Variants in SIGLEC1 observed in about 807,000 individuals in gnomAD.
SIGLEC1 encodes sialoadhesin.
SIGLEC1 carries 132 observed loss-of-function variants against 148.0 expected under a neutral mutation model. The ratio of observed to expected loss-of-function variants is 0.89; its 90% CI spans 0.77 to 1.03. The LOEUF (loss-of-function observed/expected upper bound fraction) is 1.03. SIGLEC1 is among the 50% of genes least tolerant of loss of function. The probability of loss-of-function intolerance (pLI) is 0.00; values close to 1 mark genes in which losing one functional copy is unlikely to be tolerated. For missense variants in SIGLEC1, 2,253 were observed against 2,271.4 expected (o/e 0.99, Z 0.16); for synonymous variants, 945 against 969.0 (o/e 0.98, Z 0.46).
rs749638277 is a variant in SIGLEC1 at position 3,705,696 on chromosome 20, G to C, written c.706+48C>G. 3 of 1,546,782 alleles carry C rather than the reference G, an allele frequency of 1.9e-6. No individual in the cohort carries two copies. In the Admixed American group the frequency reaches 5.3e-5, roughly 27 times the overall value. On this transcript the variant is annotated intron_variant, in intron 4 of 21. Transcript: ENST00000344754. ...CTGGAGAGGGGCTGGTTTCTGTCAG[G>C]AGCAACAGATGCGCTCAGCCACAAG... is the stretch of plus-strand genomic sequence containing the variant.
At position 3,692,157 on chromosome 20, in the gene SIGLEC1, G is replaced by A. The variant is rs1332201427; in HGVS notation, c.4076C>T (p.Ala1359Val). 6.3e-7 allele frequency: 1 copy of A among 1,583,788 alleles called. No homozygotes were observed. Among genetic ancestry groups the A allele is most frequent in the Non-Finnish European group, 8.6e-7 (1 of 1,163,870 alleles). Residue 1359 changes from alanine (A) to valine (V), a missense_variant, in exon 17 of 22, where the codon GCC becomes GTC. Transcript: ENST00000344754. ...AVLSSFRDSR[A>V]RSMAVIQCTV... ...GCACTGTATCACAGCCATGGATCTGGCCCTGGAGTCCCGGAAGGAGGACAG... is the reference window on the plus strand; with the variant it reads ...GCACTGTATCACAGCCATGGATCTGACCCTGGAGTCCCGGAAGGAGGACAG...
Position 3,701,470 on chromosome 20 carries a change from C to G in SIGLEC1, c.1400G>C (p.Gly467Ala). 4 of 1,614,104 alleles carry G rather than the reference C, an allele frequency of 2.5e-6. No homozygotes were observed. The highest frequency in any genetic ancestry group is 3.4e-6 in the Non-Finnish European group (4 of 1,180,036). The change falls in exon 7 of 22, where the codon GGT becomes GCT. Residue 467 changes from glycine to alanine, a missense_variant. Coordinates refer to ENST00000344754, the MANE Select transcript of SIGLEC1 (RefSeq NM_023068.4). ...GDSDHSPRFS[G>A]TSGPNSLRLE... ...GCGCAGGGAGTTGGGACCAGAGGTA[C>G]CACTGAAGCGTGGGCTGTGATCACT...
rs148753218 is a variant in SIGLEC1, at chr20:3,707,913, G to T, written c.-109-676C>A. 2.1e-3 allele frequency among the ~76,000 whole-genome samples: 314 copies of T among 152,340 alleles called. 3 individuals are homozygous for T. Among genetic ancestry groups the T allele is most frequent in the African/African-American group, 7.2e-3 (301 of 41,574 alleles). ...ACCTTCAAGGAGCAGCATGAATTTG[G>T]CTTCCAGCTGGAACTTCTCCTTTGA... is the stretch of plus-strand genomic sequence containing the variant. On this transcript the variant is annotated intron_variant, in intron 1 of 21. Transcript: ENST00000344754.
At position 3,703,310 on chromosome 20, in the gene SIGLEC1, G is replaced by A; in HGVS notation, c.1115C>T (p.Ser372Phe). 6.2e-7 allele frequency: 1 copy of A among 1,614,170 alleles called. No homozygotes were observed. Among genetic ancestry groups the A allele is most frequent in the Non-Finnish European group, 8.5e-7 (1 of 1,180,016 alleles). ...GGCCAAGTGCAGCCGGAGGGTATGG[G>A]AGTGGGCATCCTCCAGCAGGACATG... ...KNHVLLEDAH[S>F]HTLRLHLATR... Residue 372 changes from serine (S) to phenylalanine (F), a missense_variant, in exon 6 of 22, where the codon TCC becomes TTC. Transcript: ENST00000344754.
At position 3,701,136 on chromosome 20, in the gene SIGLEC1, A is replaced by G. The variant is rs2146527856; in HGVS notation, c.1528+206T>C. Reference sequence around the variant, plus strand: ...TAGGGTCAGGGTAGGTGCAAAAGGAATGATGTGACCTGTTGTGTTTCCCTT... The same window carrying G: ...TAGGGTCAGGGTAGGTGCAAAAGGAGTGATGTGACCTGTTGTGTTTCCCTT... On this transcript the variant is annotated intron_variant, in intron 7 of 21. Coordinates refer to ENST00000344754, the MANE Select transcript of SIGLEC1 (RefSeq NM_023068.4). Among the ~76,000 whole-genome samples, 2 of 152,350 alleles carry G rather than the reference A, an allele frequency of 1.3e-5. 1 individual carries two copies. The highest frequency in any genetic ancestry group is 4.1e-4 in the South Asian group (2 of 4,828).
chr20:3,703,943 G>T lies in SIGLEC1; in HGVS notation c.855C>A (p.Thr285=). The T allele has an allele frequency of 1.2e-6, 2 of 1,613,662 alleles. No individual in the cohort carries two copies. The highest frequency in any genetic ancestry group is 1.7e-6 in the Non-Finnish European group (2 of 1,179,766). ...GGGGCAGGTGCAGCACACCAGTCTT[G>T]GTTTGGAGGCGTACCCCATCCTTGA... The part of the protein sequence containing the change: ...KWLKDGVRLQ[T]KTGVLHLPQA... The change falls in exon 5 of 22, where the codon ACC becomes ACA. Residue 285 remains threonine, a synonymous_variant. Coordinates refer to ENST00000344754, the MANE Select transcript of SIGLEC1 (RefSeq NM_023068.4).
intron 1 of SIGLEC1, among the ~76,000 whole-genome samples, chr20:3,709,623 T>C (rs546489687): frequency 4.6e-5 from 7 of 152,352 alleles, no homozygotes; most frequent in Admixed American, 1.3e-4. Context: ...AGTACACCAA[T>C]GTTCACGGCA....
At chr20:3,707,868 G>A (rs1177335755) in intron 1 of SIGLEC1, among the ~76,000 whole-genome samples, 1 of 152,192 alleles carries the variant, frequency 6.6e-6, no homozygotes, top group East Asian at 1.9e-4. Flanking sequence ...GATAATCTTT[G>A]CCTGCTGAAA....
intron 19 of SIGLEC1, 65 bp from the exon 20 acceptor site, chr20:3,689,767 G>T (rs1191946788): frequency 2.8e-6 from 4 of 1,430,778 alleles, no homozygotes; most frequent in Non-Finnish European, 3.8e-6. Flanking sequence ...CTTCCAAGGG[G>T]ACCCACCCAA....
chr20:3,689,474 C>A (rs1056480516), intron 20 of SIGLEC1, 126 bp downstream of exon 20: 3 of 683,604 alleles, frequency 4.4e-6, no homozygotes, highest in African/African-American at 1.8e-5. Flanking sequence ...TTTGGAGGGG[C>A]AGTCTGGGAA....
intron 11 of SIGLEC1, 94 bp downstream of exon 11, chr20:3,696,492 T>C: frequency 7.8e-7 from 1 of 1,288,822 alleles, no homozygotes; most frequent in Non-Finnish European, 1.1e-6. Context: ...AAGACATATT[T>C]CTGCACAAAA....
At chr20:3,691,317 C>T (rs749180583) in intron 18 of SIGLEC1, 23 bp downstream of exon 18, 18 of 1,611,450 alleles carry the variant, frequency 1.1e-5, no homozygotes, top group Middle Eastern at 1.7e-4. Flanking sequence ...GAGACTAAGG[C>T]GGAGGAGGGG....
At position 3,692,695 on chromosome 20, in the gene SIGLEC1, C is replaced by A. The variant is rs756538752; in HGVS notation, c.3856G>T (p.Ala1286Ser). 6.2e-7 allele frequency: 1 copy of A among 1,613,006 alleles called. No homozygotes were observed. Among genetic ancestry groups the A allele is most frequent in the East Asian group, 2.2e-5 (1 of 44,880 alleles). Residue 1286 changes from alanine (A) to serine (S), a missense_variant, in exon 16 of 22, where the codon GCC (alanine) becomes TCC (serine). Ala to Ser is a moderately conservative substitution (Grantham distance 99, BLOSUM62 1). Coordinates refer to ENST00000344754, the MANE Select transcript of SIGLEC1 (RefSeq NM_023068.4). ...PITVTCADPA[A>S]HAPTLYTWYH... ...CAAGTATAGAGTGTGGGTGCGTGGG[C>A]AGCAGGGTCCGCACAGGTCACTGTG...
intron 6 of SIGLEC1, 111 bp from the exon 7 acceptor site, chr20:3,701,752 A>AG: frequency 9.5e-7 from 1 of 1,048,718 alleles, no homozygotes; most frequent in Non-Finnish European, 1.3e-6. Flanking sequence ...CCCTGTGAGA[A>AG]GGGGGTGATC....
chr20:3,697,419 G>A (rs2087812159), intron 9 of SIGLEC1, 77 bp from the exon 10 acceptor site: 1 of 1,575,798 alleles, frequency 6.3e-7, no homozygotes, highest in South Asian at 1.1e-5. Flanking sequence ...AGCCTGGAAG[G>A]AGCAGGAAGG....
chr20:3,696,243 AC>A (rs1282089235), intron 11 of SIGLEC1, among the ~76,000 whole-genome samples: 1 of 152,188 alleles, frequency 6.6e-6, no homozygotes, highest in Non-Finnish European at 1.5e-5. Flanking sequence ...ATGTGTATAT[AC>A]TCATACATAA....
Position 3,701,472 on chromosome 20 carries a change from A to T in SIGLEC1, c.1398T>A (p.Ser466Arg). 1 of 1,614,104 alleles carries T rather than the reference A, an allele frequency of 6.2e-7. No individual in the cohort carries two copies. Among genetic ancestry groups the T allele is most frequent in the Non-Finnish European group, 8.5e-7 (1 of 1,180,042 alleles). The change falls in exon 7 of 22, where the codon AGT (serine) becomes AGA (arginine). Residue 466 changes from serine (S) to arginine (R), a missense_variant. Physicochemically the swap from Ser to Arg is moderately radical, Grantham distance 110. Transcript: ENST00000344754. ...SGDSDHSPRF[S>R]GTSGPNSLRL... ...GCAGGGAGTTGGGACCAGAGGTACCACTGAAGCGTGGGCTGTGATCACTGT... is the reference window on the plus strand; with the variant it reads ...GCAGGGAGTTGGGACCAGAGGTACCTCTGAAGCGTGGGCTGTGATCACTGT...
chr20:3,700,404 C>T (rs1338966604), intron 7 of SIGLEC1, among the ~76,000 whole-genome samples: 1 of 151,910 alleles, frequency 6.6e-6, no homozygotes, highest in Non-Finnish European at 1.5e-5. Flanking sequence ...AGGCATGAGC[C>T]ACCATGCCTG....
In SIGLEC1 at chr20:3,687,253, T is replaced by G. The variant is rs959170051; in HGVS notation, c.*1307A>C. 2 of 152,258 alleles carry G rather than the reference T, an allele frequency of 1.3e-5. No individual in the cohort carries two copies. The highest frequency in any genetic ancestry group is 4.8e-5 in the African/African-American group (2 of 41,450). 9.4% of individuals were successfully genotyped at this position (152,258 alleles called of 1,614,324 possible). ...GAGTCACTAGCCCACTCAAGAGCTCTCTCCTGTTGGTCCCTGATTCGCAGG... is the reference window on the plus strand; with the variant it reads ...GAGTCACTAGCCCACTCAAGAGCTCGCTCCTGTTGGTCCCTGATTCGCAGG... On this transcript the variant is annotated 3_prime_UTR_variant, in exon 22 of 22. Transcript: ENST00000344754.
Sources: gnomAD v4.1 joint callset for allele counts (sites outside exome capture counted in the v4.1 genomes callset) on GRCh38, gnomAD v4.1.1 for gene constraint, MANE v1.5 for transcripts, NCBI Gene and HGNC (gene_info 2026-07-23, HGNC 2026-07-21) for gene names.